Variants in FGF14 observed in about 807,000 individuals in gnomAD.
FGF14 encodes the protein fibroblast growth factor homologous factor 4.
Under a neutral mutation model 25.5 loss-of-function variants are expected in FGF14, and 5 were observed. The ratio of observed to expected loss-of-function variants is 0.20; its 90% confidence interval spans 0.10 to 0.41. The LOEUF (loss-of-function observed/expected upper bound fraction) is 0.41. Among genes scored for constraint, FGF14 ranks in the 10% least tolerant of loss-of-function variants. The pLI is 1.00. For synonymous variants in FGF14, 138 were observed against 118.3 expected (o/e 1.17, Z -1.08); for missense variants, 222 against 320.1 (o/e 0.69, Z 2.34).
chr13:101,926,782 T>G (rs572036565), intron 1 of FGF14, among the ~76,000 whole-genome samples: 1 of 152,350 alleles, frequency 6.6e-6, no homozygotes, highest in Non-Finnish European at 1.5e-5. Context: ...ACTTTCATTT[T>G]TATATAGCTG....
intron 3 of FGF14, among the ~76,000 whole-genome samples, chr13:101,741,258 C>A (rs1261569808): frequency 6.6e-6 from 1 of 152,118 alleles, no homozygotes; most frequent in African/African-American, 2.4e-5. Context: ...ATTGCTTGAA[C>A]CAGGGAGGCA....
chr13:101,754,634 C>T (rs1003321339), intron 3 of FGF14, among the ~76,000 whole-genome samples: 16 of 151,994 alleles, frequency 1.1e-4, no homozygotes, highest in African/African-American at 3.6e-4. Flanking sequence ...GAGGCTGAGG[C>T]GGGAGAATTG....
At chr13:102,004,765 G>A (rs1258820906) in intron 1 of FGF14, among the ~76,000 whole-genome samples, 2 of 152,182 alleles carry the variant, frequency 1.3e-5, no homozygotes, top group African/African-American at 4.8e-5. Context: ...CATGGGGGCT[G>A]TAACCCCCAT....
chr13:102,349,557 T>C (rs1468827609), intron 1 of FGF14, among the ~76,000 whole-genome samples: 2 of 152,214 alleles, frequency 1.3e-5, no homozygotes, highest in East Asian at 1.9e-4. Flanking sequence ...ATAATGCCAC[T>C]TATCAGGAGT....
chr13:101,898,422 G>C (rs1227283788), intron 1 of FGF14, among the ~76,000 whole-genome samples: 1 of 150,684 alleles, frequency 6.6e-6, no homozygotes, highest in African/African-American at 2.5e-5. Flanking sequence ...CTCCGTCACA[G>C]ATTTTATTAA....
intron 1 of FGF14, among the ~76,000 whole-genome samples, chr13:102,378,285 G>A (rs2058087051): frequency 6.6e-6 from 1 of 152,076 alleles, no homozygotes. Flanking sequence ...GAGAGGTGAT[G>A]GATCTGTGGG....
intron 1 of FGF14, among the ~76,000 whole-genome samples, chr13:102,171,494 A>G (rs1292777497): frequency 1.3e-5 from 2 of 152,150 alleles, no homozygotes; most frequent in East Asian, 3.9e-4. Flanking sequence ...CTTATTTGGG[A>G]AATCCTTCAG....
At chr13:102,333,192 T>C (rs1428930090) in intron 1 of FGF14, among the ~76,000 whole-genome samples, 1 of 152,150 alleles carries the variant, frequency 6.6e-6, no homozygotes, top group Non-Finnish European at 1.5e-5. Context: ...ATATATGTAA[T>C]TCATGCCAAA....
At chr13:102,053,667 AAT>A in intron 1 of FGF14, among the ~76,000 whole-genome samples, 1 of 152,112 alleles carries the variant, frequency 6.6e-6, no homozygotes, top group African/African-American at 2.4e-5. Flanking sequence ...CTGCTTTATA[AAT>A]GTTTAAGTCT....
chr13:102,183,193 T>TA (rs545469470), intron 1 of FGF14, among the ~76,000 whole-genome samples: 3 of 151,972 alleles, frequency 2.0e-5, no homozygotes, highest in East Asian at 1.9e-4. Context: ...TATTTGCCTA[T>TA]AAAAAAAAGA....
At chr13:101,822,955 C>T (rs769297038) in intron 3 of FGF14, among the ~76,000 whole-genome samples, 4 of 152,110 alleles carry the variant, frequency 2.6e-5, no homozygotes, top group Non-Finnish European at 5.9e-5. Context: ...TTTTTAAGCT[C>T]CCACACATGT....
chr13:101,971,596 T>C (rs2037597856), intron 1 of FGF14, among the ~76,000 whole-genome samples: 1 of 152,198 alleles, frequency 6.6e-6, no homozygotes, highest in Non-Finnish European at 1.5e-5. Context: ...GGTCTTGAAC[T>C]TCTGAGTTCA....
At chr13:101,783,597 C>T (rs980628667) in intron 3 of FGF14, among the ~76,000 whole-genome samples, 3 of 151,830 alleles carry the variant, frequency 2.0e-5, no homozygotes, top group Non-Finnish European at 2.9e-5. Context: ...GTATAGTTTA[C>T]AAAAATTATC....
At chr13:101,860,388 T>C (rs561823259) in intron 3 of FGF14, among the ~76,000 whole-genome samples, 22 of 152,148 alleles carry the variant, frequency 1.4e-4, no homozygotes, top group East Asian at 5.8e-4. Flanking sequence ...GCTCTATGTA[T>C]GGTCATGTCA....
chr13:101,841,891 C>T (rs1340678543), intron 3 of FGF14, among the ~76,000 whole-genome samples: 2 of 151,950 alleles, frequency 1.3e-5, no homozygotes. Context: ...TAGCAGTCCC[C>T]AGGAGCTCAC....
intron 1 of FGF14, among the ~76,000 whole-genome samples, chr13:101,994,539 G>A (rs538843732): frequency 2.6e-5 from 4 of 151,832 alleles, no homozygotes; most frequent in East Asian, 1.9e-4. Context: ...TCAGAGTGCC[G>A]TTGTAAGTTG....
chr13:102,228,941 G>A (rs1323250371), intron 1 of FGF14, among the ~76,000 whole-genome samples: 4 of 152,154 alleles, frequency 2.6e-5, no homozygotes, highest in Non-Finnish European at 5.9e-5. Flanking sequence ...CAGTTCTCAA[G>A]ACTACTGAAT....
chr13:101,777,880 CT>C (rs755994902), intron 3 of FGF14, among the ~76,000 whole-genome samples: 18 of 152,220 alleles, frequency 1.2e-4, no homozygotes, highest in Admixed American at 4.6e-4. Context: ...AGGAGAATCG[CT>C]TGAACCCAGG....
chr13:102,354,989 C>A (rs1346922158), intron 1 of FGF14, among the ~76,000 whole-genome samples: 1 of 152,124 alleles, frequency 6.6e-6, no homozygotes, highest in African/African-American at 2.4e-5. Flanking sequence ...GATCAAGACC[C>A]ATATTCTTAC....
Sources: allele counts gnomAD v4.1 joint callset (sites outside exome capture counted in the v4.1 genomes callset), GRCh38; gene constraint gnomAD v4.1.1; transcripts MANE v1.5; gene names NCBI Gene and HGNC (gene_info 2026-07-23, HGNC 2026-07-21).